Variants in TMIGD3 observed in about 807,000 individuals in gnomAD.
The protein encoded by TMIGD3 is transmembrane and immunoglobulin domain containing 3.
TMIGD3 carries 21 observed loss-of-function variants against 28.1 expected under a neutral mutation model. The ratio of observed to expected loss-of-function variants is 0.75; its 90% confidence interval spans 0.53 to 1.08. TMIGD3 has a LOEUF of 1.08. TMIGD3 is among the 50% of genes least tolerant of loss of function. The pLI is 0.00. For synonymous variants in TMIGD3, 151 were observed against 162.1 expected (o/e 0.93, Z 0.52); for missense variants, 416 against 435.6 (o/e 0.96, Z 0.40).
At chr1:111,563,503 T>C (rs948482200) in intron 1 of TMIGD3, among the ~76,000 whole-genome samples, 1 of 152,202 alleles carries the variant, frequency 6.6e-6, no homozygotes, top group African/African-American at 2.4e-5. Context: ...CTGAGTTTTA[T>C]ATAACAAAAT....
chr1:111,489,064 C>T lies in TMIGD3; in HGVS notation c.458-40G>A, dbSNP rs376255738. 3.3e-6 allele frequency: 5 copies of T among 1,526,208 alleles called. No homozygotes were observed. The African/African-American group carries it at 5.5e-5, about 17-fold the overall frequency. The allele number at this position is 1,526,208 out of a possible 1,614,324, so 94.5% of individuals were successfully genotyped here. A position where few individuals can be genotyped will look rare whatever the true frequency, so the allele number is the denominator to read the frequency against. On this transcript the variant is annotated intron_variant, in intron 2 of 5. Transcript: ENST00000369716. Reference sequence around the variant, plus strand: ...ACACACACGCACACGTGCACACACACACACCATTGTTCTCTCAAAACATTG... The same window carrying T: ...ACACACACGCACACGTGCACACACATACACCATTGTTCTCTCAAAACATTG...
chr1:111,497,618 A>C (rs1654953612), intron 1 of TMIGD3, among the ~76,000 whole-genome samples: 1 of 152,198 alleles, frequency 6.6e-6, no homozygotes, highest in African/African-American at 2.4e-5. Flanking sequence ...GCAAGCCATC[A>C]GTGGACTTGC....
At position 111,489,400 on chromosome 1, in the gene TMIGD3, A is replaced by G. The variant is rs1654547120; in HGVS notation, c.458-376T>C. On this transcript the variant is annotated intron_variant, in intron 2 of 5. Transcript: ENST00000369716. ...ATGAGGACACAGCCAGAAGGCAATC[A>G]TCTGCAAACCGAGAGATGGCCTCAG... is the stretch of plus-strand genomic sequence containing the variant. 1.4e-5 allele frequency: 4 copies of G among 279,214 alleles called. No individual in the cohort carries two copies. The Admixed American group carries it at 2.1e-4, about 14-fold the overall frequency. 17.3% of individuals were successfully genotyped at this position (279,214 alleles called of 1,614,324 possible).
chr1:111,498,712 G>A (rs1259155043), intron 1 of TMIGD3, among the ~76,000 whole-genome samples: 1 of 152,176 alleles, frequency 6.6e-6, no homozygotes, highest in Non-Finnish European at 1.5e-5. Context: ...GCAAAATGGA[G>A]ATGATCATTA....
At chr1:111,517,919 A>T (rs1427067867) in intron 1 of TMIGD3, among the ~76,000 whole-genome samples, 5 of 152,226 alleles carry the variant, frequency 3.3e-5, no homozygotes, top group African/African-American at 9.6e-5. Flanking sequence ...CAGTAATAAC[A>T]GCAAATATTA....
At chr1:111,527,341 G>T (rs144665813) in intron 1 of TMIGD3, among the ~76,000 whole-genome samples, 1 of 152,176 alleles carries the variant, frequency 6.6e-6, no homozygotes, top group Non-Finnish European at 1.5e-5. Flanking sequence ...TTGATAGCTT[G>T]TTTCTTTTTA....
chr1:111,551,446 T>C (rs1657254986), intron 1 of TMIGD3, among the ~76,000 whole-genome samples: 1 of 152,208 alleles, frequency 6.6e-6, no homozygotes, highest in South Asian at 2.1e-4. Context: ...GAATTATAAT[T>C]AACATCTTAA....
At position 111,488,694 on chromosome 1, in the gene TMIGD3, T is replaced by A. The variant is rs751566629; in HGVS notation, c.788A>T (p.Asp263Val). The A allele has an allele frequency of 3.1e-6, 5 of 1,613,460 alleles. No individual in the cohort carries two copies. Among genetic ancestry groups the A allele is most frequent in the Non-Finnish European group, 4.2e-6 (5 of 1,179,572 alleles). The change falls in exon 3 of 6, where the codon GAC becomes GTC. Residue 263 changes from aspartate to valine, a missense_variant. Asp to Val is a radical substitution (Grantham distance 152, BLOSUM62 -3). Coordinates refer to ENST00000369716, the MANE Select transcript of TMIGD3 (RefSeq NM_020683.7). Reference sequence around the variant, plus strand: ...CTCCTTACCTTTCCCAGACCAAAAGTCATTGGCCAGGGTTCCTTTGTCGTC... The same window carrying A: ...CTCCTTACCTTTCCCAGACCAAAAGACATTGGCCAGGGTTCCTTTGTCGTC... ...VTDDKGTLAN[D>V]FWSGKDLSGN... is the part of the protein sequence containing the mutation.
At chr1:111,498,482 A>T (rs989480059) in intron 1 of TMIGD3, among the ~76,000 whole-genome samples, 11 of 152,242 alleles carry the variant, frequency 7.2e-5, no homozygotes, top group Admixed American at 6.5e-4. Flanking sequence ...CCTCAAGCGT[A>T]CAAAGCTGTA....
At chr1:111,501,812 G>GTAGC (rs1655191128) in intron 1 of TMIGD3, among the ~76,000 whole-genome samples, 1 of 151,854 alleles carries the variant, frequency 6.6e-6, no homozygotes, top group African/African-American at 2.4e-5. Flanking sequence ...AAGCTTGTTT[G>GTAGC]TAGCTCCCTC....
intron 1 of TMIGD3, among the ~76,000 whole-genome samples, chr1:111,547,402 C>G (rs921538048): frequency 2.0e-5 from 3 of 151,824 alleles, no homozygotes; most frequent in African/African-American, 7.3e-5. Flanking sequence ...TTTTATATAT[C>G]AAATCAATCT....
rs11311759 is a variant in TMIGD3 at position 111,486,402 on chromosome 1, ATTT to A, written c.872+181_872+183del. Among the ~76,000 whole-genome samples, 1,132 of 142,572 alleles carry A rather than the reference ATTT, an allele frequency of 7.9e-3. 13 individuals are homozygous for A. Among genetic ancestry groups the A allele is most frequent in the African/African-American group, 0.027 (1,064 of 39,098 alleles). 93.5% of individuals were successfully genotyped at this position (142,572 alleles called of 152,430 possible). A position where few individuals can be genotyped will look rare whatever the true frequency, so the allele number is the denominator to read the frequency against. The stretch of plus-strand genomic sequence containing the variant: ...CTTGCAACCAAGAGTCCTAAACTGT[ATTT>A]TTTTTTTTTTTTTGAGGAAACCAAA... On this transcript the variant is annotated intron_variant, in intron 4 of 5. Coordinates refer to ENST00000369716, the MANE Select transcript of TMIGD3 (RefSeq NM_020683.7).
At chr1:111,505,075 T>C (rs1490915937), upstream of TMIGD3, 8 of 967,532 alleles carry the variant, frequency 8.3e-6, no homozygotes, top group Non-Finnish European at 9.8e-6. Context: ...TTATCTGTGC[T>C]TCAGAGAAGG....
intron 1 of TMIGD3, among the ~76,000 whole-genome samples, chr1:111,518,179 T>G (rs763446999): frequency 1.3e-5 from 2 of 152,204 alleles, no homozygotes; most frequent in Non-Finnish European, 1.5e-5. Context: ...GTTAGGGACT[T>G]TTTCTGAATA....
intron 1 of TMIGD3, among the ~76,000 whole-genome samples, chr1:111,514,172 G>T (rs1655784149): frequency 6.6e-6 from 1 of 152,156 alleles, no homozygotes; most frequent in Admixed American, 6.5e-5. Context: ...AGCCAAAATG[G>T]CTCGTAGAAA....
chr1:111,516,678 C>CACA (rs1655879377), intron 1 of TMIGD3, among the ~76,000 whole-genome samples: 1 of 152,138 alleles, frequency 6.6e-6, no homozygotes, highest in Non-Finnish European at 1.5e-5. Context: ...GGCAGAAAGC[C>CACA]ACAAAGCTGA....
chr1:111,540,155 A>G (rs1656769714), intron 1 of TMIGD3, among the ~76,000 whole-genome samples: 1 of 152,258 alleles, frequency 6.6e-6, no homozygotes, highest in Non-Finnish European at 1.5e-5. Flanking sequence ...AACTTGGTTA[A>G]AATGGCTATT....
At chr1:111,506,510 C>T (rs1042367543), upstream of TMIGD3, among the ~76,000 whole-genome samples, 4 of 152,238 alleles carry the variant, frequency 2.6e-5, no homozygotes, top group African/African-American at 7.2e-5. Context: ...GTAAGCTAGG[C>T]AGTGGCGAAG....
chr1:111,515,628 T>C (rs1347928585), intron 1 of TMIGD3, among the ~76,000 whole-genome samples: 5 of 152,134 alleles, frequency 3.3e-5, no homozygotes, highest in Admixed American at 6.5e-5. Flanking sequence ...CCCCTGAGCC[T>C]GGGAAGGAGG....
Sources: allele counts gnomAD v4.1 joint callset (sites outside exome capture counted in the v4.1 genomes callset), GRCh38; gene constraint gnomAD v4.1.1; transcripts MANE v1.5; gene names NCBI Gene and HGNC (gene_info 2026-07-23, HGNC 2026-07-21).